The following ROBO2 variants were observed in gnomAD, a reference collection of about 807,000 sequenced individuals.
The protein encoded by ROBO2 is roundabout homolog 2.
A neutral mutation model predicts 160.8 loss-of-function variants in ROBO2; 53 were observed. The ratio of observed to expected loss-of-function variants is 0.33; its 90% CI spans 0.26 to 0.41. ROBO2 has a LOEUF of 0.41. Among genes scored for constraint, ROBO2 ranks in the 10% least tolerant of loss-of-function variants. ROBO2 has a pLI of 1.00. For synonymous variants in ROBO2, 664 were observed against 611.7 expected (o/e 1.09, Z -1.26); for missense variants, 1,577 against 1,722.4 (o/e 0.92, Z 1.49).
At chr3:76,165,811 C>T (rs1280705516) in intron 2 of ROBO2, among the ~76,000 whole-genome samples, 1 of 152,064 alleles carries the variant, frequency 6.6e-6, no homozygotes, top group Admixed American at 6.6e-5. Flanking sequence ...GAATGGGAAA[C>T]AGCCAGAAGC....
intron 2 of ROBO2, among the ~76,000 whole-genome samples, chr3:76,811,143 G>T (rs2108988936): frequency 6.6e-6 from 1 of 152,214 alleles, no homozygotes; most frequent in African/African-American, 2.4e-5. Context: ...TTTGGGAAAA[G>T]ACTATCTTTA....
chr3:77,208,475 T>G (rs2083703727), intron 2 of ROBO2, among the ~76,000 whole-genome samples: 1 of 152,192 alleles, frequency 6.6e-6, no homozygotes, highest in Non-Finnish European at 1.5e-5. Flanking sequence ...CAATAGCATG[T>G]GGATAGCTGA....
At chr3:77,390,357 T>G (rs2074593415) in intron 2 of ROBO2, among the ~76,000 whole-genome samples, 1 of 152,218 alleles carries the variant, frequency 6.6e-6, no homozygotes, top group South Asian at 2.1e-4. Context: ...AAATCTCATC[T>G]TGAACTGTAG....
chr3:77,507,487 C>A (rs1035884462), intron 5 of ROBO2, among the ~76,000 whole-genome samples: 1 of 152,142 alleles, frequency 6.6e-6, no homozygotes, highest in African/African-American at 2.4e-5. Context: ...CAGAAGACTG[C>A]AAGAATGGGC....
intron 2 of ROBO2, among the ~76,000 whole-genome samples, chr3:77,403,118 A>G (rs752290828): frequency 5.9e-5 from 9 of 152,218 alleles, no homozygotes; most frequent in East Asian, 1.9e-4. Context: ...TGACAAAATT[A>G]TGTATTTGTG....
chr3:76,389,967 T>A lies in ROBO2; in HGVS notation c.109+452365T>A, dbSNP rs2077068709. ...TTCAGTAGTCTACTCAGAAAGCAAA[T>A]TGCAGTCATTCTTCACTAGAGCTCA... On this transcript the variant is annotated intron_variant, in intron 2 of 26. Coordinates refer to the ROBO2 transcript ENST00000487694. 2.0e-5 allele frequency among the ~76,000 whole-genome samples: 3 copies of A among 152,262 alleles called. No homozygotes were observed. The South Asian group carries it at 6.2e-4, about 32-fold the overall frequency.
In ROBO2 at chr3:76,758,437, T is replaced by G. The variant is rs575691156; in HGVS notation, c.110-339577T>G. ...GGACAGGGTGTGAGGTCTGTAAATG[T>G]GTATTCTCAGGTTTTGTCCTTAACT... is the stretch of plus-strand genomic sequence containing the variant. On this transcript the variant is annotated intron_variant, in intron 2 of 26. Coordinates refer to the ROBO2 transcript ENST00000487694. Among the ~76,000 whole-genome samples the G allele has an allele frequency of 8.6e-5, 13 of 151,898 alleles. No homozygotes were observed. The East Asian group carries it at 2.5e-3, about 30-fold the overall frequency.
chr3:77,301,020 C>G lies in ROBO2; in HGVS notation c.389-176394C>G, dbSNP rs573262821. On this transcript the variant is annotated intron_variant, in intron 2 of 25. Transcript: ENST00000461745. Reference sequence around the variant, plus strand: ...AGTAGCTGGGATTACAGGCATACACCACTATGTCCAGCTAACTTTTGTATT... The same window carrying G: ...AGTAGCTGGGATTACAGGCATACACGACTATGTCCAGCTAACTTTTGTATT... Among the ~76,000 whole-genome samples, 307 of 151,804 alleles carry G rather than the reference C, an allele frequency of 2.0e-3. 2 individuals carry two copies. Among genetic ancestry groups the G allele is most frequent in the African/African-American group, 7.1e-3 (294 of 41,348 alleles).
intron 1 of ROBO2, among the ~76,000 whole-genome samples, chr3:75,924,811 C>T (rs1054012082): frequency 1.7e-4 from 26 of 150,176 alleles, no homozygotes; most frequent in African/African-American, 6.4e-4. Flanking sequence ...GCCTCAGCCT[C>T]CCGAGTAGCT....
At chr3:76,049,413 T>A (rs2067578395) in intron 2 of ROBO2, among the ~76,000 whole-genome samples, 3 of 120,086 alleles carry the variant, frequency 2.5e-5, no homozygotes, top group East Asian at 2.2e-4. Context: ...ATTTTTTTTT[T>A]TTTTTTTTTT....
chr3:77,255,446 T>C (rs2090816106), intron 2 of ROBO2, among the ~76,000 whole-genome samples: 1 of 152,138 alleles, frequency 6.6e-6, no homozygotes, highest in African/African-American at 2.4e-5. Context: ...CTTGTGGTGG[T>C]ATGTATATTT....
intron 2 of ROBO2, among the ~76,000 whole-genome samples, chr3:76,182,521 C>G (rs1352884612): frequency 1.3e-5 from 2 of 152,030 alleles, no homozygotes; most frequent in Non-Finnish European, 2.9e-5. Context: ...CTAGGCCTTG[C>G]TAAAATATTG....
chr3:76,814,174 C>T (rs533700354), intron 2 of ROBO2, among the ~76,000 whole-genome samples: 13 of 152,186 alleles, frequency 8.5e-5, no homozygotes, highest in African/African-American at 2.6e-4. Context: ...CTGATGACAG[C>T]GCAAATACAC....
intron 1 of ROBO2, among the ~76,000 whole-genome samples, chr3:77,080,049 A>G (rs1183659070): frequency 6.6e-6 from 1 of 152,198 alleles, no homozygotes; most frequent in African/African-American, 2.4e-5. Context: ...TGAATTGTAA[A>G]GCTCTCTTGA....
intron 2 of ROBO2, among the ~76,000 whole-genome samples, chr3:77,292,811 C>A (rs62251161): frequency 3.2e-5 from 4 of 123,336 alleles, no homozygotes; most frequent in Non-Finnish European, 5.3e-5. Flanking sequence ...CTAGATCACC[C>A]CAGATATAAA....
At chr3:76,192,956 A>G (rs938664904) in intron 2 of ROBO2, among the ~76,000 whole-genome samples, 1 of 152,086 alleles carries the variant, frequency 6.6e-6, no homozygotes, top group Non-Finnish European at 1.5e-5. Context: ...TGCTTTCTCA[A>G]AGGTCATCAA....
chr3:76,400,521 G>A (rs918655131), intron 2 of ROBO2, among the ~76,000 whole-genome samples: 1 of 151,388 alleles, frequency 6.6e-6, no homozygotes, highest in Non-Finnish European at 1.5e-5. Flanking sequence ...TTACTACAAA[G>A]AAACATACAG....
At chr3:76,128,856 T>A (rs2071109100) in intron 2 of ROBO2, among the ~76,000 whole-genome samples, 1 of 152,126 alleles carries the variant, frequency 6.6e-6, no homozygotes, top group Admixed American at 6.5e-5. Flanking sequence ...ATCATTTTTA[T>A]CCTTTTCTTC....
chr3:76,829,265 A>G (rs2066858156), intron 2 of ROBO2, among the ~76,000 whole-genome samples: 1 of 152,170 alleles, frequency 6.6e-6, no homozygotes. Flanking sequence ...ATGTCCTGTC[A>G]AAATGCTGTT....
Sources: gnomAD v4.1 joint callset for allele counts (sites outside exome capture counted in the v4.1 genomes callset) on GRCh38, gnomAD v4.1.1 for gene constraint, MANE v1.5 for transcripts, NCBI Gene and HGNC (gene_info 2026-07-23, HGNC 2026-07-21) for gene names.